ACTL8: variants seen among roughly 807,000 people sequenced by gnomAD.
ACTL8 encodes the protein actin-like protein 8.
In ACTL8, 3 loss-of-function variants were observed where a neutral mutation model predicts 9.3. The observed-to-expected ratio is 0.32, with a 90% CI of 0.15 to 0.83. The LOEUF (loss-of-function observed/expected upper bound fraction) is 0.83. Ranked by LOEUF, ACTL8 falls within the 40% of genes least tolerant of loss-of-function variation. ACTL8 has a pLI of 0.57. For missense variants in ACTL8, 381 were observed against 492.2 expected, an observed-to-expected ratio of 0.77 and a Z score of 2.14; for synonymous variants, 224 against 205.9, an observed-to-expected ratio of 1.09 and a Z score of -0.75.
intron 1 of ACTL8, among the ~76,000 whole-genome samples, chr1:17,773,970 G>A (rs192409726): frequency 1.8e-4 from 27 of 152,366 alleles, no homozygotes; most frequent in Admixed American, 1.8e-3. Flanking sequence ...GTAGCCAGAG[G>A]TGGTGGGGTG....
chr1:17,818,805 G>A (rs529239877), intron 1 of ACTL8, among the ~76,000 whole-genome samples: 1 of 152,184 alleles, frequency 6.6e-6, no homozygotes, highest in Non-Finnish European at 1.5e-5. Context: ...TCCCTGACAT[G>A]CTGTGTTTGA....
intron 1 of ACTL8, among the ~76,000 whole-genome samples, chr1:17,799,375 T>C (rs898554663): frequency 1.3e-5 from 2 of 152,220 alleles, no homozygotes; most frequent in African/African-American, 4.8e-5. Flanking sequence ...TGTTTGAACA[T>C]CATCTCCTTA....
At chr1:17,822,723 A>G (rs1458249170) in intron 1 of ACTL8, among the ~76,000 whole-genome samples, 1 of 152,160 alleles carries the variant, frequency 6.6e-6, no homozygotes, top group African/African-American at 2.4e-5. Context: ...TGTGTGTGCA[A>G]AGTGCAGTGG....
At chr1:17,802,424 C>CGTGTGTGTGTGTGTGTGTGTGTGTGT (rs72387933) in intron 1 of ACTL8, among the ~76,000 whole-genome samples, 47 of 146,692 alleles carry the variant, frequency 3.2e-4, no homozygotes, top group African/African-American at 1.1e-3. Flanking sequence ...ACTGTGCGTG[C>CGTGTGTGTGTGTGTGTGTGTGTGTGT]GTGTGTGTGT....
intron 1 of ACTL8, among the ~76,000 whole-genome samples, chr1:17,805,899 CACCT>C (rs960081855): frequency 9.2e-5 from 14 of 152,344 alleles, no homozygotes; most frequent in African/African-American, 3.4e-4. Flanking sequence ...TCCTCTCTCT[CACCT>C]ACCTATCCAC....
rs747846271 is a variant in ACTL8 at position 17,822,988 on chromosome 1, C to T, written c.-21C>T. 14 of 1,603,286 alleles carry T rather than the reference C, an allele frequency of 8.7e-6. No individual in the cohort carries two copies. In the African/African-American group the frequency reaches 1.7e-4, roughly 20 times the overall value. On this transcript the variant is annotated 5_prime_UTR_variant, in exon 2 of 3. Transcript: ENST00000375406. ...ACCCCATCCTTTGCTTCCGCAGGTC[C>T]CACCCACCTCTGCCTCCGCCATGGC...
Position 17,767,306 on chromosome 1 carries a change from C to T in ACTL8, c.-25+11802C>T, listed in dbSNP as rs1054665554. Among the ~76,000 whole-genome samples, 17 of 151,972 alleles carry T rather than the reference C, an allele frequency of 1.1e-4. No homozygotes were observed. Among genetic ancestry groups the T allele is most frequent in the Admixed American group, 2.0e-4 (3 of 15,262 alleles). ...TGCATCGGATGATAGGATCCGACTTCGCTGCTGGAGACAGAGCCGGGGGAT... is the reference window on the plus strand; with the variant it reads ...TGCATCGGATGATAGGATCCGACTTTGCTGCTGGAGACAGAGCCGGGGGAT... On this transcript the variant is annotated intron_variant, in intron 1 of 2. Transcript: ENST00000375406. The surrounding 1 kb of genome is among the most constrained non-coding windows in gnomAD (Gnocchi z 4.7).
In ACTL8 at chr1:17,823,110, C is replaced by T; in HGVS notation, c.102C>T (p.Asn34=). The T allele has an allele frequency of 6.2e-7, 1 of 1,614,246 alleles. No individual in the cohort carries two copies. Residue 34 remains asparagine (N), a synonymous_variant, in exon 2 of 3, where the codon AAC becomes AAT. Coordinates refer to ENST00000375406, the MANE Select transcript of ACTL8 (RefSeq NM_030812.3). This position sits in a 1 kb window ranked among gnomAD's most constrained non-coding sequence, Gnocchi z 5.3. ...AGATGGTCTTCCCGAACATCGTGAA[C>T]TACCTACCGTGCAAGGAGAACCCTG... ...EPQMVFPNIV[N]YLPCKENPGP...
intron 1 of ACTL8, among the ~76,000 whole-genome samples, chr1:17,788,656 G>A (rs2066216725): frequency 6.6e-6 from 1 of 152,210 alleles, no homozygotes; most frequent in South Asian, 2.1e-4. Context: ...CAAGAGGAGT[G>A]GGGTGGGGGG....
At position 17,823,731 on chromosome 1, in the gene ACTL8, A is replaced by C. The variant is rs560483495; in HGVS notation, c.348+375A>C. Among the ~76,000 whole-genome samples the C allele has an allele frequency of 6.2e-4, 95 of 152,230 alleles. No homozygotes were observed. The highest frequency in any genetic ancestry group is 2.0e-3 in the African/African-American group (84 of 41,550). On this transcript the variant is annotated intron_variant, in intron 2 of 2. Transcript: ENST00000375406. The surrounding 1 kb of genome is among the most constrained non-coding windows in gnomAD (Gnocchi z 5.3). ...CAACAGAGCAAGGCCCTGTCTCAAA[A>C]AAACAAACAAACAAAAAAACCCAAC...
chr1:17,807,294 G>A (rs761815224), intron 1 of ACTL8, among the ~76,000 whole-genome samples: 78 of 152,126 alleles, frequency 5.1e-4, no homozygotes, highest in Non-Finnish European at 9.6e-4. Context: ...TTTGGAGACC[G>A]CAGCATTGAC....
At chr1:17,770,198 A>T (rs1052443501) in intron 1 of ACTL8, among the ~76,000 whole-genome samples, 3 of 152,214 alleles carry the variant, frequency 2.0e-5, no homozygotes, top group African/African-American at 7.2e-5. Flanking sequence ...CCTCCTCCTG[A>T]CATCTATCTT....
chr1:17,807,076 C>A (rs2066364433), intron 1 of ACTL8, among the ~76,000 whole-genome samples: 1 of 152,222 alleles, frequency 6.6e-6, no homozygotes, highest in Non-Finnish European at 1.5e-5. Context: ...TGCATCTGCA[C>A]ATCTTTCTCT....
intron 1 of ACTL8, among the ~76,000 whole-genome samples, chr1:17,777,737 C>T (rs2066127411): frequency 6.6e-6 from 1 of 152,232 alleles, no homozygotes; most frequent in Non-Finnish European, 1.5e-5. Context: ...CTCACTCTGT[C>T]ACCCAGGCTG....
At chr1:17,817,106 CCTA>C (rs928294247) in intron 1 of ACTL8, among the ~76,000 whole-genome samples, 14 of 150,338 alleles carry the variant, frequency 9.3e-5, no homozygotes, top group African/African-American at 3.4e-4. Flanking sequence ...AATTTTTAGT[CCTA>C]CTCAGTAGGA....
At chr1:17,764,707 AT>A (rs1454768078) in intron 1 of ACTL8, among the ~76,000 whole-genome samples, 1 of 152,210 alleles carries the variant, frequency 6.6e-6, no homozygotes, top group African/African-American at 2.4e-5. Flanking sequence ...CTGGGTTTTA[AT>A]AGCTGAATAT....
intron 1 of ACTL8, among the ~76,000 whole-genome samples, chr1:17,800,889 G>T (rs2066317395): frequency 6.6e-6 from 1 of 151,870 alleles, no homozygotes; most frequent in African/African-American, 2.4e-5. Context: ...CACTGTGCCC[G>T]GCCACCTTGG....
At chr1:17,795,909 A>G (rs1164494007) in intron 1 of ACTL8, among the ~76,000 whole-genome samples, 1 of 152,190 alleles carries the variant, frequency 6.6e-6, no homozygotes, top group Non-Finnish European at 1.5e-5. Context: ...CTGCACACCA[A>G]GCACACTGGC....
chr1:17,789,719 T>G (rs953167591), intron 1 of ACTL8, among the ~76,000 whole-genome samples: 1 of 152,074 alleles, frequency 6.6e-6, no homozygotes, highest in African/African-American at 2.4e-5. Context: ...AGAGGTTGAG[T>G]AATTTACTCT....
Sources: gnomAD v4.1 joint callset for allele counts (sites outside exome capture counted in the v4.1 genomes callset) on GRCh38, gnomAD v4.1.1 for gene constraint, Gnocchi (gnomAD v3.1) non-coding constraint, MANE v1.5 for transcripts, NCBI Gene and HGNC (gene_info 2026-07-23, HGNC 2026-07-21) for gene names.